SLC49A3: variants seen among roughly 807,000 people sequenced by gnomAD.
SLC49A3 encodes the protein solute carrier family 49 member 3.
In SLC49A3, 50 loss-of-function variants were observed where a neutral mutation model predicts 43.8. The ratio of observed to expected loss-of-function variants is 1.14; its 90% confidence interval spans 0.91 to 1.45. SLC49A3 has a LOEUF of 1.45. Among genes scored for constraint, SLC49A3 ranks in the 40% most tolerant of loss-of-function variants. The pLI is 0.00. For synonymous variants in SLC49A3, 413 were observed against 352.0 expected, an observed-to-expected ratio of 1.17 and a Z score of -1.94; for missense variants, 906 against 774.1, an observed-to-expected ratio of 1.17 and a Z score of -2.02.
downstream of SLC49A3, chr4:677,032 AC>A: frequency 6.4e-6 from 4 of 621,606 alleles, no homozygotes; most frequent in Non-Finnish European, 6.0e-6. Flanking sequence ...CCTTGCAGAC[AC>A]GGTGGCGCCC....
In SLC49A3 at chr4:688,901, G is replaced by A. The variant is rs1219168217; in HGVS notation, c.135+92C>T. ...CACCCCCCGCCCCCAGCCAGCACCT[G>A]GCACCTCGGGCTGTGGCCACAGGAA... On this transcript the variant is annotated intron_variant, in intron 1 of 9. Transcript: ENST00000322224. 1.7e-5 allele frequency: 25 copies of A among 1,468,058 alleles called. No homozygotes were observed. In the Admixed American group the frequency reaches 6.2e-4, roughly 37 times the overall value. The allele number at this position is 1,468,058 out of a possible 1,614,324, so 90.9% of individuals were successfully genotyped here.
rs1194721304 is a variant in SLC49A3, at chr4:685,782, G to C, written c.585+53C>G. On this transcript the variant is annotated intron_variant, in intron 4 of 9. Transcript: ENST00000322224. The surrounding 1 kb of genome is among the most constrained non-coding windows in gnomAD (Gnocchi z 4.3). Reference sequence around the variant, plus strand: ...CACTTGGGATCAGGAACACACAGACGTGCATGCGCACACACCACACAGACC... The same window carrying C: ...CACTTGGGATCAGGAACACACAGACCTGCATGCGCACACACCACACAGACC... The C allele has an allele frequency of 6.3e-7, 1 of 1,576,946 alleles. No homozygotes were observed. The highest frequency in any genetic ancestry group is 8.7e-7 in the Non-Finnish European group (1 of 1,147,568).
At chr4:679,628 C>T (rs1363371616), downstream of SLC49A3, among the ~76,000 whole-genome samples, 3 of 152,180 alleles carry the variant, frequency 2.0e-5, no homozygotes, top group Admixed American at 6.5e-5. Flanking sequence ...ACCTTCCTCT[C>T]GGCCCTGCTT....
At chr4:691,481 T>G (rs1741884967), upstream of SLC49A3, among the ~76,000 whole-genome samples, 1 of 144,612 alleles carries the variant, frequency 6.9e-6, no homozygotes, top group South Asian at 2.2e-4. Context: ...TAATCCCAGC[T>G]ACTCAGGAGG....
At chr4:677,605 C>T (rs905830813), downstream of SLC49A3, among the ~76,000 whole-genome samples, 1 of 152,242 alleles carries the variant, frequency 6.6e-6, no homozygotes, top group African/African-American at 2.4e-5. Context: ...CGGTGACCAG[C>T]TGCAGTCACC....
At chr4:677,554 C>T (rs1738971426), downstream of SLC49A3, among the ~76,000 whole-genome samples, 1 of 152,218 alleles carries the variant, frequency 6.6e-6, no homozygotes, top group Admixed American at 6.5e-5. Flanking sequence ...CAGGGAGGGG[C>T]GTGGACACCC....
At chr4:678,371 G>T (rs1319142674), downstream of SLC49A3, 2 of 1,411,554 alleles carry the variant, frequency 1.4e-6, no homozygotes, top group South Asian at 3.0e-5. Context: ...CAGAGGCCAA[G>T]CTGGCTCCTG....
chr4:688,939 C>A, intron 1 of SLC49A3, 54 bp downstream of exon 1: 1 of 1,553,038 alleles, frequency 6.4e-7, no homozygotes, highest in Non-Finnish European at 8.6e-7. Flanking sequence ...CAAAACCCGG[C>A]TGGTCCGAGG....
chr4:684,587 T>C lies in SLC49A3; in HGVS notation c.736A>G (p.Lys246Glu). The change falls in exon 6 of 10, where the codon AAG becomes GAG. Residue 246 changes from lysine to glutamate, a missense_variant. By Grantham distance (56) the Lys-to-Glu change is moderately conservative (BLOSUM62 1). Transcript: ENST00000322224. ...CACACAGCCAGGATGACATAGGCCT[T>C]GTTCCACATGAGCTGCTGGGAAAGA... is the stretch of plus-strand genomic sequence containing the variant. The part of the protein sequence containing the change: ...LDGLKLLMWN[K>E]AYVILAVCLG... 1 of 1,612,892 alleles carries C rather than the reference T, an allele frequency of 6.2e-7. No individual in the cohort carries two copies. Among genetic ancestry groups the C allele is most frequent in the Non-Finnish European group, 8.5e-7 (1 of 1,179,878 alleles).
chr4:678,118 T>C, downstream of SLC49A3: 1 of 1,575,284 alleles, frequency 6.3e-7, no homozygotes, highest in South Asian at 1.1e-5. Flanking sequence ...AGCGTGGGCG[T>C]GTCCGTGCTT....
At chr4:689,965 G>A (rs1741740343), upstream of SLC49A3, among the ~76,000 whole-genome samples, 1 of 152,248 alleles carries the variant, frequency 6.6e-6, no homozygotes, top group Non-Finnish European at 1.5e-5. Context: ...GGGTGGGGTG[G>A]AGGCTGGCCT....
downstream of SLC49A3, among the ~76,000 whole-genome samples, chr4:679,580 G>A (rs1311888416): frequency 2.0e-5 from 3 of 152,176 alleles, no homozygotes; most frequent in African/African-American, 7.2e-5. Flanking sequence ...GAGCTGGGGA[G>A]TGATTTCTCC....
downstream of SLC49A3, chr4:677,977 G>C: frequency 6.2e-7 from 1 of 1,613,254 alleles, no homozygotes; most frequent in Non-Finnish European, 8.5e-7. Context: ...GCTTAAGATG[G>C]GCAAGACCTG....
chr4:681,677 GCCGCCCCGCCCCCT>G (rs1739628052), downstream of SLC49A3: 6 of 16,774 alleles, frequency 3.6e-4, no homozygotes, highest in African/African-American at 1.6e-3. Context: ...CCCCTCCAGC[GCCGCCCCGCCCCCT>G]CCAGCGCCGC....
chr4:686,443 C>T (rs1560175516), intron 2 of SLC49A3, 89 bp downstream of exon 2: 35 of 1,564,978 alleles, frequency 2.2e-5, no homozygotes, highest in Non-Finnish European at 2.9e-5. Flanking sequence ...ACTGGTGGGC[C>T]CCGGTCTGGG....
downstream of SLC49A3, chr4:679,808 TC>T: frequency 1.3e-6 from 1 of 785,732 alleles, no homozygotes; most frequent in Middle Eastern, 2.7e-4. Context: ...TCCCGCTCCC[TC>T]CCCACCCTTC....
rs146462719 is a variant in SLC49A3, at chr4:683,245, C to T, written c.1116G>A (p.Gly372=). The T allele has an allele frequency of 3.1e-6, 5 of 1,612,832 alleles. No individual in the cohort carries two copies. The South Asian group carries it at 3.3e-5, about 11-fold the overall frequency. The stretch of plus-strand genomic sequence containing the variant: ...AGATCATGCCTGTGGCAGCCCCCTC[C>T]CCCACGGGGAAGGAACACTCGACCG... ...ELAVECSFPV[G]EGAATGMIFV... Residue 372 remains glycine (G), a synonymous_variant, in exon 8 of 10, where the codon GGG becomes GGA. Coordinates refer to ENST00000322224, the MANE Select transcript of SLC49A3 (RefSeq NM_032219.4).
chr4:682,174 A>G lies in SLC49A3; in HGVS notation c.1464T>C (p.Thr488=). The G allele has an allele frequency of 7.4e-7, 1 of 1,353,196 alleles. No individual in the cohort carries two copies. Among genetic ancestry groups the G allele is most frequent in the Non-Finnish European group, 9.6e-7 (1 of 1,041,108 alleles). 83.8% of individuals were successfully genotyped at this position (1,353,196 alleles called of 1,614,324 possible). A position where few individuals can be genotyped will look rare whatever the true frequency, so the allele number is the denominator to read the frequency against. The change falls in exon 10 of 10, where the codon ACT becomes ACC. Residue 488 remains threonine (T), a synonymous_variant. Transcript: ENST00000322224. ...RAGVLGPSTA[T]PECTARGASL... Reference sequence around the variant, plus strand: ...AGGCCCCCCTCGCCGTGCACTCCGGAGTCGCCGTGCTGGGCCCCAGGACCC... The same window carrying G: ...AGGCCCCCCTCGCCGTGCACTCCGGGGTCGCCGTGCTGGGCCCCAGGACCC...
At chr4:682,633 G>A (rs940141302) in intron 9 of SLC49A3, 148 bp downstream of exon 9, 6 of 655,050 alleles carry the variant, frequency 9.2e-6, no homozygotes, top group Admixed American at 3.3e-5. Flanking sequence ...TGGCTCACCT[G>A]TCCTATTGCC....
Sources: gnomAD v4.1 joint callset for allele counts (sites outside exome capture counted in the v4.1 genomes callset) on GRCh38, gnomAD v4.1.1 for gene constraint, Gnocchi (gnomAD v3.1) non-coding constraint, MANE v1.5 for transcripts, NCBI Gene and HGNC (gene_info 2026-07-23, HGNC 2026-07-21) for gene names.